Variants in VWA3B observed in about 807,000 individuals in gnomAD.
VWA3B encodes von Willebrand factor A domain containing 3B.
A neutral mutation model predicts 158.3 loss-of-function variants in VWA3B; 138 were observed. The observed-to-expected ratio is 0.87, with a 90% confidence interval of 0.76 to 1.00. The LOEUF (loss-of-function observed/expected upper bound fraction) is 1.00. Ranked by LOEUF, VWA3B falls within the 50% of genes least tolerant of loss-of-function variation. VWA3B has a pLI of 0.00. For synonymous variants in VWA3B, 596 were observed against 587.3 expected (o/e 1.01, Z -0.21); for missense variants, 1,555 against 1,565.1 (o/e 0.99, Z 0.11).
chr2:98,156,390 A>G (rs796166650), intron 7 of VWA3B, among the ~76,000 whole-genome samples: 39 of 152,308 alleles, frequency 2.6e-4, no homozygotes, highest in African/African-American at 7.9e-4. Flanking sequence ...GAGCAGATCC[A>G]TCTACGTGAG....
At chr2:98,307,667 T>C (rs1253135597) in intron 26 of VWA3B, among the ~76,000 whole-genome samples, 1 of 152,250 alleles carries the variant, frequency 6.6e-6, no homozygotes, top group African/African-American at 2.4e-5. Context: ...TTATTCCTAA[T>C]TAGATGGGGA....
In VWA3B at chr2:98,230,537, CA is replaced by C. The variant is rs371660645; in HGVS notation, c.2308+331del. On this transcript the variant is annotated intron_variant, in intron 16 of 27. Coordinates refer to ENST00000477737, the MANE Select transcript of VWA3B (RefSeq NM_144992.5). ...TGTGTATGTGTGTGTGTGTGTCTGA[CA>C]GTGTGTGTTTAGGTCTACACGGTTT... Among the ~76,000 whole-genome samples the C allele has an allele frequency of 3.5e-3, 529 of 152,070 alleles. 2 individuals are homozygous for C. The highest frequency in any genetic ancestry group is 0.012 in the African/African-American group (503 of 41,464).
chr2:98,300,937 T>A (rs1256987557), intron 25 of VWA3B, among the ~76,000 whole-genome samples: 1 of 152,060 alleles, frequency 6.6e-6, no homozygotes, highest in Admixed American at 6.6e-5. Flanking sequence ...TTGGGAGACA[T>A]AAGGGCGGAC....
At chr2:98,088,031 A>G (rs926225227) in intron 1 of VWA3B, among the ~76,000 whole-genome samples, 1 of 152,108 alleles carries the variant, frequency 6.6e-6, no homozygotes, top group African/African-American at 2.4e-5. Flanking sequence ...TGTCCACATT[A>G]TTTGAGCCAA....
In VWA3B at chr2:98,188,004, A is replaced by G; in HGVS notation, c.1341A>G (p.Lys447=). Reference sequence around the variant, plus strand: ...CGAACAAGAAGACAGTCCATGCAAAATATTGCAGCAGGTTTGTCCATGCTC... The same window carrying G: ...CGAACAAGAAGACAGTCCATGCAAAGTATTGCAGCAGGTTTGTCCATGCTC... ...AETNKKTVHA[K]YCSRFVHAPW... The change falls in exon 10 of 28, where the codon AAA becomes AAG. Residue 447 remains lysine, a synonymous_variant. Transcript: ENST00000477737. The G allele has an allele frequency of 6.2e-7, 1 of 1,613,654 alleles. No homozygotes were observed. The highest frequency in any genetic ancestry group is 8.5e-7 in the Non-Finnish European group (1 of 1,179,860).
intron 2 of VWA3B, among the ~76,000 whole-genome samples, chr2:98,101,943 G>C (rs1356865629): frequency 1.3e-5 from 2 of 151,740 alleles, no homozygotes; most frequent in Non-Finnish European, 2.9e-5. Context: ...CAGGGTCATA[G>C]GATGATAGTG....
rs1480957455 is a variant in VWA3B at position 98,128,183 on chromosome 2, T to G, written c.703-56T>G. 9.4e-6 allele frequency: 15 copies of G among 1,594,598 alleles called. No homozygotes were observed. The Admixed American group carries it at 2.5e-4, about 27-fold the overall frequency. ...GTAGAATGGGTATTACTGATGAGAC[T>G]AGTACCAAGCTAGGGCATGTGAGGG... On this transcript the variant is annotated intron_variant, in intron 5 of 27. Transcript: ENST00000477737.
At chr2:98,193,117 T>TA in intron 11 of VWA3B, 81 bp downstream of exon 11, 1 of 1,501,660 alleles carries the variant, frequency 6.7e-7, no homozygotes. Flanking sequence ...CTTGTTGCTC[T>TA]AAAAAATTCC....
chr2:98,131,267 G>C (rs1675848472), intron 6 of VWA3B, among the ~76,000 whole-genome samples: 1 of 152,148 alleles, frequency 6.6e-6, no homozygotes, highest in Non-Finnish European at 1.5e-5. Flanking sequence ...CATCCATGTT[G>C]CTGCAAATGA....
chr2:98,213,383 G>A (rs4564827), intron 13 of VWA3B, among the ~76,000 whole-genome samples: 26,049 of 152,164 alleles, frequency 0.17, 2,576 homozygotes, highest in Non-Finnish European at 0.2. Context: ...TTGTGCCAAG[G>A]AAAGGCTGGC....
intron 21 of VWA3B, chr2:98,269,199 A>T (rs1195725165): frequency 6.6e-6 from 1 of 152,080 alleles, no homozygotes; most frequent in Non-Finnish European, 1.5e-5. Context: ...ATTTTCACAA[A>T]CTGGCCTCTT....
intron 21 of VWA3B, among the ~76,000 whole-genome samples, chr2:98,258,478 C>T (rs1375590635): frequency 6.6e-6 from 1 of 151,806 alleles, no homozygotes; most frequent in Non-Finnish European, 1.5e-5. Flanking sequence ...GTTTTCCAAT[C>T]AATGAACATA....
chr2:98,285,327 C>A (rs1689103099), intron 22 of VWA3B, among the ~76,000 whole-genome samples: 1 of 152,074 alleles, frequency 6.6e-6, no homozygotes, highest in Admixed American at 6.6e-5. Flanking sequence ...TTTGTTTATT[C>A]ATTCCCCAGT....
intron 21 of VWA3B, among the ~76,000 whole-genome samples, chr2:98,262,877 A>G (rs1210177402): frequency 6.6e-6 from 1 of 151,950 alleles, no homozygotes; most frequent in Non-Finnish European, 1.5e-5. Flanking sequence ...TTTAGGTAGT[A>G]TGGACATTTT....
intron 3 of VWA3B, among the ~76,000 whole-genome samples, chr2:98,118,250 C>T (rs560660535): frequency 3.3e-5 from 5 of 152,052 alleles, no homozygotes; most frequent in African/African-American, 4.8e-5. Context: ...GCTGTGGATG[C>T]TGGTGAAGGA....
chr2:98,102,986 A>G (rs1406707436), intron 2 of VWA3B, among the ~76,000 whole-genome samples: 2 of 152,236 alleles, frequency 1.3e-5, no homozygotes, highest in Non-Finnish European at 2.9e-5. Context: ...TCTAATATGC[A>G]CACACCAACA....
intron 23 of VWA3B, among the ~76,000 whole-genome samples, chr2:98,292,497 G>A (rs565544642): frequency 8.5e-5 from 13 of 152,154 alleles, no homozygotes; most frequent in Admixed American, 5.9e-4. Flanking sequence ...TGGGATGATC[G>A]CATAGGCTAA....
intron 19 of VWA3B, among the ~76,000 whole-genome samples, chr2:98,239,211 T>A (rs146815582): frequency 6.6e-6 from 1 of 152,346 alleles, no homozygotes; most frequent in Non-Finnish European, 1.5e-5. Flanking sequence ...TACTGAAGTA[T>A]ATGTGCAGAG....
intron 22 of VWA3B, among the ~76,000 whole-genome samples, chr2:98,287,199 T>C (rs985941392): frequency 1.3e-5 from 2 of 152,144 alleles, no homozygotes; most frequent in Non-Finnish European, 2.9e-5. Flanking sequence ...CCTAGAGCTC[T>C]CTCTGTCTGG....
Sources: gnomAD v4.1 joint callset for allele counts (sites outside exome capture counted in the v4.1 genomes callset) on GRCh38, gnomAD v4.1.1 for gene constraint, MANE v1.5 for transcripts, NCBI Gene and HGNC (gene_info 2026-07-23, HGNC 2026-07-21) for gene names.